The following MFF variants were observed in gnomAD, a reference collection of about 807,000 sequenced individuals.
MFF encodes mitochondrial fission factor.
Under a neutral mutation model 36.9 loss-of-function variants are expected in MFF, and 12 were observed. The ratio of observed to expected loss-of-function variants is 0.33; its 90% CI spans 0.21 to 0.53. The LOEUF (loss-of-function observed/expected upper bound fraction) is 0.53, where lower values mean the gene tolerates loss of function less well. Among genes scored for constraint, MFF ranks in the 20% least tolerant of loss-of-function variants. The probability of loss-of-function intolerance (pLI) is 0.95; values close to 1 mark genes in which losing one functional copy is unlikely to be tolerated. For missense variants in MFF, 348 were observed against 366.6 expected (o/e 0.95, Z 0.42); for synonymous variants, 99 against 126.2 (o/e 0.78, Z 1.44).
At chr2:227,349,455 A>G (rs2075880109) in intron 6 of MFF, among the ~76,000 whole-genome samples, 2 of 152,084 alleles carry the variant, frequency 1.3e-5, no homozygotes, top group Non-Finnish European at 2.9e-5. Context: ...CTGGGAAGGA[A>G]TTCTCTTTTC....
At chr2:227,326,681 A>G (rs2106326251) in intron 1 of MFF, among the ~76,000 whole-genome samples, 1 of 152,324 alleles carries the variant, frequency 6.6e-6, no homozygotes, top group African/African-American at 2.4e-5. Context: ...GTTTGCAGTG[A>G]CTTTTTAAAT....
chr2:227,327,586 C>T (rs2074254191), intron 1 of MFF, among the ~76,000 whole-genome samples: 2 of 152,194 alleles, frequency 1.3e-5, no homozygotes, highest in Non-Finnish European at 1.5e-5. Context: ...TCAGCATCCA[C>T]CTTTATTTTC....
At chr2:227,348,782 T>C (rs1207245473) in intron 6 of MFF, among the ~76,000 whole-genome samples, 1 of 152,202 alleles carries the variant, frequency 6.6e-6, no homozygotes, top group Non-Finnish European at 1.5e-5. Context: ...AGGGTAATAA[T>C]ATCTAGCTTT....
At position 227,337,807 on chromosome 2, in the gene MFF, G is replaced by A. The variant is rs143695822; in HGVS notation, c.352-2485G>A. 3.7e-3 allele frequency among the ~76,000 whole-genome samples: 558 copies of A among 152,270 alleles called. 4 individuals are homozygous for A. The highest frequency in any genetic ancestry group is 0.011 in the South Asian group (53 of 4,818). ...CTCACATTTGTAATCCCAGCACTTTGGGAAGCCGAAGTGGGTGGATCTCTT... is the reference window on the plus strand; with the variant it reads ...CTCACATTTGTAATCCCAGCACTTTAGGAAGCCGAAGTGGGTGGATCTCTT... On this transcript the variant is annotated intron_variant, in intron 4 of 8. Coordinates refer to ENST00000304593, the MANE Select transcript of MFF (RefSeq NM_001277062.2).
At chr2:227,345,648 A>T (rs6720962) in intron 5 of MFF, among the ~76,000 whole-genome samples, 1 of 152,114 alleles carries the variant, frequency 6.6e-6, no homozygotes, top group African/African-American at 2.4e-5. Context: ...TAAGACTAAC[A>T]TATAGTTTTG....
At chr2:227,346,648 T>G (rs2075727953) in intron 5 of MFF, 1 of 152,266 alleles carries the variant, frequency 6.6e-6, no homozygotes, top group Admixed American at 6.5e-5. Flanking sequence ...CTTACTATAA[T>G]TAAACAATCA....
chr2:227,342,792 A>G, intron 5 of MFF: 3 of 1,613,748 alleles, frequency 1.9e-6, no homozygotes, highest in Non-Finnish European at 2.5e-6. Flanking sequence ...TCAAGGTTCC[A>G]GGCACCGATT....
At chr2:227,345,905 A>G (rs1384154442) in intron 5 of MFF, among the ~76,000 whole-genome samples, 2 of 152,174 alleles carry the variant, frequency 1.3e-5, no homozygotes, top group East Asian at 1.9e-4. Flanking sequence ...ATCAGGCTTG[A>G]TAGATAGTTG....
chr2:227,335,881 A>G (rs1217879331), intron 4 of MFF, among the ~76,000 whole-genome samples: 1 of 152,228 alleles, frequency 6.6e-6, no homozygotes, highest in Non-Finnish European at 1.5e-5. Flanking sequence ...CAGCTCTAAG[A>G]TAAGACCATT....
intron 7 of MFF, among the ~76,000 whole-genome samples, chr2:227,354,347 G>T (rs1314834164): frequency 6.6e-6 from 1 of 152,174 alleles, no homozygotes; most frequent in African/African-American, 2.4e-5. Context: ...ACTTTTTGTA[G>T]TGGGGACTTG....
intron 1 of MFF, among the ~76,000 whole-genome samples, chr2:227,326,699 C>A (rs11681280): frequency 0.29 from 44,358 of 152,100 alleles, 7,362 homozygotes; most frequent in South Asian, 0.47. Flanking sequence ...AATATAGTTT[C>A]TTTGAAAAAG....
intron 4 of MFF, among the ~76,000 whole-genome samples, chr2:227,338,904 GT>G (rs1258487867): frequency 2.7e-5 from 4 of 148,434 alleles, no homozygotes; most frequent in Non-Finnish European, 4.5e-5. Flanking sequence ...TGTTTGTTTT[GT>G]TTTTTTTAGT....
chr2:227,332,783 G>C (rs2106356998), intron 4 of MFF, among the ~76,000 whole-genome samples, 195 bp downstream of exon 4: 1 of 152,292 alleles, frequency 6.6e-6, no homozygotes, highest in East Asian at 1.9e-4. Context: ...TTATGTTTTA[G>C]GAAAAATGTA....
At chr2:227,340,535 G>A (rs1431052128) in intron 5 of MFF, 155 bp downstream of exon 5, 5 of 612,326 alleles carry the variant, frequency 8.2e-6, no homozygotes, top group Non-Finnish European at 1.4e-5. Flanking sequence ...CTTAAAATCT[G>A]GCCATTTTGT....
chr2:227,356,844 A>C, intron 8 of MFF, 142 bp from the exon 9 acceptor site: 1 of 669,162 alleles, frequency 1.5e-6, no homozygotes, highest in Non-Finnish European at 2.5e-6. Context: ...AGTTGTGTTT[A>C]TTTTGCTCCA....
chr2:227,327,668 G>C (rs144786135), intron 1 of MFF, among the ~76,000 whole-genome samples: 1 of 152,298 alleles, frequency 6.6e-6, no homozygotes, highest in East Asian at 1.9e-4. Context: ...GAATATAGTA[G>C]TGAGACCTAT....
chr2:227,341,200 A>T (rs963540356), intron 5 of MFF, among the ~76,000 whole-genome samples: 1 of 152,136 alleles, frequency 6.6e-6, no homozygotes, highest in African/African-American at 2.4e-5. Flanking sequence ...ACAGCATATT[A>T]ATCTCTAGTT....
In MFF at chr2:227,331,959, A is replaced by ATATTTTTTTTTTTT. The variant is rs572787657; in HGVS notation, c.182-459_182-458insATTTTTTTTTTTTT. ...AGTGAAATGTCAATACGCTGGAAGC[A>ATATTTTTTTTTTTT]TTTTTTTTTTTTTTTTTTTTTTTTT... On this transcript the variant is annotated intron_variant, in intron 3 of 8. Transcript: ENST00000304593. 1.0e-4 allele frequency among the ~76,000 whole-genome samples: 8 copies of ATATTTTTTTTTTTT among 76,836 alleles called. 1 individual carries two copies. Among genetic ancestry groups the ATATTTTTTTTTTTT allele is most frequent in the African/African-American group, 3.2e-4 (7 of 21,964 alleles). 50.4% of individuals were successfully genotyped at this position (76,836 alleles called of 152,430 possible).
chr2:227,340,405 T>C lies in MFF; in HGVS notation c.440+25T>C, dbSNP rs942297516. On this transcript the variant is annotated intron_variant, in intron 5 of 8. Transcript: ENST00000304593. ...TGTGAGTAGAAGCACTAGCATTTTATCTCGTTTGTAAGTTTTCTCAGGATA... is the reference window on the plus strand; with the variant it reads ...TGTGAGTAGAAGCACTAGCATTTTACCTCGTTTGTAAGTTTTCTCAGGATA... 3 of 1,564,838 alleles carry C rather than the reference T, an allele frequency of 1.9e-6. No homozygotes were observed. The South Asian group carries it at 3.4e-5, about 17-fold the overall frequency.
Sources: gnomAD v4.1 joint callset for allele counts (sites outside exome capture counted in the v4.1 genomes callset) on GRCh38, gnomAD v4.1.1 for gene constraint, MANE v1.5 for transcripts, NCBI Gene and HGNC (gene_info 2026-07-23, HGNC 2026-07-21) for gene names.